SRPK2: variants seen among roughly 807,000 people sequenced by gnomAD.
The protein encoded by SRPK2 is SRSF protein kinase 2.
SRPK2 carries 21 observed loss-of-function variants against 90.8 expected under a neutral mutation model. The observed-to-expected ratio is 0.23, with a 90% CI of 0.16 to 0.33. SRPK2 has a LOEUF of 0.33. Ranked by LOEUF, SRPK2 falls within the 10% of genes least tolerant of loss-of-function variation. The probability of loss-of-function intolerance (pLI) is 1.00; values close to 1 mark genes in which losing one functional copy is unlikely to be tolerated. For synonymous variants in SRPK2, 288 were observed against 311.1 expected (o/e 0.93, Z 0.78); for missense variants, 620 against 869.0 (o/e 0.71, Z 3.60).
intron 13 of SRPK2, among the ~76,000 whole-genome samples, chr7:105,130,231 C>A (rs1801804102): frequency 6.6e-6 from 1 of 152,142 alleles, no homozygotes; most frequent in Non-Finnish European, 1.5e-5. Context: ...CCAACAGAGT[C>A]TCTGTGAGAT....
intron 2 of SRPK2, among the ~76,000 whole-genome samples, chr7:105,387,101 G>A (rs1821699758): frequency 6.6e-6 from 1 of 152,136 alleles, no homozygotes; most frequent in South Asian, 2.1e-4. Context: ...GTACGTAAAG[G>A]TAACATGCAC....
chr7:105,324,402 A>G (rs1813328763), intron 2 of SRPK2, among the ~76,000 whole-genome samples: 1 of 151,740 alleles, frequency 6.6e-6, no homozygotes, highest in African/African-American at 2.4e-5. Flanking sequence ...AGCTCACTGC[A>G]ACCTCTGCCT....
intron 2 of SRPK2, chr7:105,304,427 T>C (rs555731847): frequency 6.6e-6 from 1 of 152,216 alleles, no homozygotes; most frequent in African/African-American, 2.4e-5. Context: ...GGCAGCATTG[T>C]TGGGGTAAGT....
intron 2 of SRPK2, among the ~76,000 whole-genome samples, chr7:105,252,365 A>G (rs1235570423): frequency 6.6e-6 from 1 of 152,222 alleles, no homozygotes; most frequent in Non-Finnish European, 1.5e-5. Flanking sequence ...AGGAAGCAAT[A>G]TTCATTTAGG....
chr7:105,200,938 A>G lies in SRPK2; in HGVS notation c.229+2690T>C, dbSNP rs147289427. Among the ~76,000 whole-genome samples, 669 of 152,356 alleles carry G rather than the reference A, an allele frequency of 4.4e-3. 5 individuals carry two copies. The highest frequency in any genetic ancestry group is 0.015 in the African/African-American group (626 of 41,584). On this transcript the variant is annotated intron_variant, in intron 3 of 15. Transcript: ENST00000393651. ...CTGATAAGCCCGAGGTCTGAATAGT[A>G]GTGAAGTATCAGTGTTAAATTTCTG...
chr7:105,141,009 GCAA>G (rs1803670259), intron 11 of SRPK2, among the ~76,000 whole-genome samples: 1 of 151,802 alleles, frequency 6.6e-6, no homozygotes, highest in South Asian at 2.1e-4. Flanking sequence ...AACTGCAACA[GCAA>G]CAATAAGTCT....
At chr7:105,326,259 T>C (rs1231898872) in intron 2 of SRPK2, among the ~76,000 whole-genome samples, 8 of 152,208 alleles carry the variant, frequency 5.3e-5, no homozygotes, top group Non-Finnish European at 1.0e-4. Flanking sequence ...GCATGCTCTC[T>C]AGTCTCCTAG....
chr7:105,215,529 T>A (rs1391526206), intron 2 of SRPK2, among the ~76,000 whole-genome samples: 1 of 152,170 alleles, frequency 6.6e-6, no homozygotes, highest in African/African-American at 2.4e-5. Flanking sequence ...CAAAAACGTG[T>A]ACATGAACAC....
intron 3 of SRPK2, among the ~76,000 whole-genome samples, chr7:105,190,708 T>C (rs1442579611): frequency 6.6e-6 from 1 of 152,202 alleles, no homozygotes; most frequent in Non-Finnish European, 1.5e-5. Flanking sequence ...TCTATGCCCT[T>C]GGAAGGCTCC....
intron 2 of SRPK2, among the ~76,000 whole-genome samples, chr7:105,262,599 C>T (rs948893020): frequency 1.3e-5 from 2 of 152,150 alleles, no homozygotes; most frequent in Non-Finnish European, 2.9e-5. Flanking sequence ...TGTTAATACC[C>T]ACGGCCTCTA....
intron 3 of SRPK2, among the ~76,000 whole-genome samples, chr7:105,172,715 A>G (rs1196445028): frequency 1.3e-5 from 2 of 152,208 alleles, no homozygotes; most frequent in Non-Finnish European, 2.9e-5. Context: ...TGTTTTATCA[A>G]CTAGTAAGAA....
At chr7:105,287,002 C>T (rs1269645555) in intron 2 of SRPK2, among the ~76,000 whole-genome samples, 2 of 152,080 alleles carry the variant, frequency 1.3e-5, no homozygotes, top group Non-Finnish European at 2.9e-5. Flanking sequence ...TGGCTCACGC[C>T]TGTAATCCCA....
At chr7:105,298,627 G>T in intron 2 of SRPK2, 1 of 734,836 alleles carries the variant, frequency 1.4e-6, no homozygotes, top group Non-Finnish European at 1.7e-6. Flanking sequence ...AAAAGGAAAA[G>T]CAAACAAAAG....
chr7:105,149,541 C>T (rs752669108), intron 7 of SRPK2, among the ~76,000 whole-genome samples: 6 of 152,242 alleles, frequency 3.9e-5, no homozygotes, highest in East Asian at 1.9e-4. Context: ...GTATGCTGGG[C>T]GCCAGTCCCC....
chr7:105,182,792 G>A (rs1424371712), intron 3 of SRPK2, among the ~76,000 whole-genome samples: 1 of 151,954 alleles, frequency 6.6e-6, no homozygotes, highest in Admixed American at 6.6e-5. Flanking sequence ...TACTTGTAAG[G>A]AAAAAATTAA....
chr7:105,329,523 G>A (rs1159977347), intron 2 of SRPK2, among the ~76,000 whole-genome samples: 2 of 151,768 alleles, frequency 1.3e-5, no homozygotes, highest in Middle Eastern at 3.2e-3. Flanking sequence ...GAACCTGGGA[G>A]GTGGAGGCTG....
At chr7:105,267,904 T>A (rs559547256) in intron 2 of SRPK2, among the ~76,000 whole-genome samples, 1 of 152,134 alleles carries the variant, frequency 6.6e-6, no homozygotes, top group Non-Finnish European at 1.5e-5. Flanking sequence ...ATACCTTAAG[T>A]ATAAAATATC....
intron 2 of SRPK2, among the ~76,000 whole-genome samples, chr7:105,222,305 T>C (rs1036725199): frequency 2.0e-5 from 3 of 152,228 alleles, no homozygotes; most frequent in Non-Finnish European, 1.5e-5. Context: ...CTGATGCCCT[T>C]GCACAGACTT....
chr7:105,237,780 G>GT (rs927425393), intron 2 of SRPK2, among the ~76,000 whole-genome samples: 16 of 152,260 alleles, frequency 1.1e-4, no homozygotes, highest in Non-Finnish European at 5.9e-5. Flanking sequence ...CATGAAGAAC[G>GT]TAAGGAAGCA....
Sources: allele counts gnomAD v4.1 joint callset (sites outside exome capture counted in the v4.1 genomes callset), GRCh38; gene constraint gnomAD v4.1.1; transcripts MANE v1.5; gene names NCBI Gene and HGNC (gene_info 2026-07-23, HGNC 2026-07-21).